Variants in SYT1 observed in about 807,000 individuals in gnomAD.
SYT1 encodes synaptotagmin-1.
A neutral mutation model predicts 44.8 loss-of-function variants in SYT1; 8 were observed. The observed-to-expected ratio is 0.18, with a 90% CI of 0.10 to 0.32. The LOEUF (loss-of-function observed/expected upper bound fraction) is 0.32. Among genes scored for constraint, SYT1 ranks in the 10% least tolerant of loss-of-function variants. The pLI, the probability that SYT1 is intolerant of heterozygous loss-of-function variation, is 1.00. For missense variants in SYT1, 286 were observed against 509.3 expected (o/e 0.56, Z 4.22); for synonymous variants, 154 against 188.8 (o/e 0.82, Z 1.51).
At chr12:79,427,711 A>T (rs2136170641) in intron 9 of SYT1, among the ~76,000 whole-genome samples, 1 of 152,276 alleles carries the variant, frequency 6.6e-6, no homozygotes, top group African/African-American at 2.4e-5. Flanking sequence ...AAGGGACATG[A>T]GGAGGAGGCA....
chr12:79,026,670 TATA>T (rs1872552927), intron 2 of SYT1, among the ~76,000 whole-genome samples: 4 of 30,488 alleles, frequency 1.3e-4, no homozygotes, highest in East Asian at 3.7e-3. Flanking sequence ...ATATATTTTA[TATA>T]TATATATATA....
intron 8 of SYT1, among the ~76,000 whole-genome samples, chr12:79,345,844 G>T (rs942078038): frequency 6.6e-6 from 1 of 152,092 alleles, no homozygotes; most frequent in East Asian, 1.9e-4. Flanking sequence ...TACTAATGGG[G>T]ACTATGCAAA....
intron 8 of SYT1, among the ~76,000 whole-genome samples, chr12:79,320,156 A>G (rs376712736): frequency 1.3e-5 from 2 of 152,204 alleles, no homozygotes. Context: ...AACTTTTTAA[A>G]GAATAAAAAA....
intron 2 of SYT1, among the ~76,000 whole-genome samples, chr12:79,000,483 G>T (rs931137254): frequency 1.4e-4 from 21 of 152,042 alleles, no homozygotes; most frequent in Middle Eastern, 3.4e-3. Flanking sequence ...ACTTTTAGTA[G>T]AGACGGGGTT....
At chr12:78,881,202 A>G (rs1244799746) in intron 1 of SYT1, among the ~76,000 whole-genome samples, 2 of 151,498 alleles carry the variant, frequency 1.3e-5, no homozygotes, top group Non-Finnish European at 1.5e-5. Flanking sequence ...TCACCCCCAA[A>G]TACTTCCCTC....
chr12:78,971,469 G>T (rs1308561980), intron 1 of SYT1, among the ~76,000 whole-genome samples: 1 of 152,058 alleles, frequency 6.6e-6, no homozygotes, highest in Non-Finnish European at 1.5e-5. Flanking sequence ...TAGATGCATT[G>T]TTCCATGGAT....
intron 4 of SYT1, among the ~76,000 whole-genome samples, chr12:79,232,314 GAGA>G (rs1201324937): frequency 6.6e-6 from 1 of 152,174 alleles, no homozygotes; most frequent in African/African-American, 2.4e-5. Context: ...ACTTTTCTGC[GAGA>G]AGGACTTCTA....
chr12:79,308,959 A>C (rs1182473229), intron 8 of SYT1, among the ~76,000 whole-genome samples: 1 of 152,270 alleles, frequency 6.6e-6, no homozygotes, highest in African/African-American at 2.4e-5. Flanking sequence ...TAGCTATTAC[A>C]TGGCAAACCT....
intron 3 of SYT1, among the ~76,000 whole-genome samples, chr12:79,098,092 A>G (rs1878245730): frequency 6.6e-6 from 1 of 152,096 alleles, no homozygotes; most frequent in Non-Finnish European, 1.5e-5. Context: ...TATGCTGTTC[A>G]AAACCATAGA....
At chr12:79,399,289 AT>A (rs576684760) in intron 9 of SYT1, among the ~76,000 whole-genome samples, 8,152 of 133,980 alleles carry the variant, frequency 0.061, 323 homozygotes, top group East Asian at 0.17. Flanking sequence ...AGTAATTTGA[AT>A]TTTTTTTTTT....
At chr12:79,419,524 T>C (rs1448016285) in intron 9 of SYT1, among the ~76,000 whole-genome samples, 3 of 152,170 alleles carry the variant, frequency 2.0e-5, no homozygotes, top group Non-Finnish European at 4.4e-5. Context: ...TTCTCCAGTG[T>C]TGGCTGTTAC....
intron 3 of SYT1, among the ~76,000 whole-genome samples, chr12:79,120,993 A>ACT (rs1411239700): frequency 2.6e-5 from 4 of 151,472 alleles, no homozygotes; most frequent in Non-Finnish European, 5.9e-5. Flanking sequence ...ATATATACAC[A>ACT]CACACATATT....
chr12:79,103,976 T>C (rs1421066421), intron 3 of SYT1, among the ~76,000 whole-genome samples: 1 of 152,106 alleles, frequency 6.6e-6, no homozygotes, highest in Admixed American at 6.5e-5. Flanking sequence ...TATAGAAAAA[T>C]TGAATGCTCC....
At chr12:79,145,057 TC>T (rs1869791304) in intron 3 of SYT1, among the ~76,000 whole-genome samples, 1 of 152,180 alleles carries the variant, frequency 6.6e-6, no homozygotes, top group African/African-American at 2.4e-5. Context: ...ATAAAGAACA[TC>T]ACTTTACTCC....
At chr12:78,990,550 C>A (rs1869949234) in intron 2 of SYT1, among the ~76,000 whole-genome samples, 1 of 152,112 alleles carries the variant, frequency 6.6e-6, no homozygotes, top group Non-Finnish European at 1.5e-5. Flanking sequence ...AAATTCTTAT[C>A]TGTGTCTGCC....
rs374319999 is a variant in SYT1 at position 79,400,698 on chromosome 12, C to T, written c.929-43375C>T. Among the ~76,000 whole-genome samples the T allele has an allele frequency of 6.3e-4, 96 of 152,350 alleles. 1 individual carries two copies. The highest frequency in any genetic ancestry group is 2.0e-3 in the African/African-American group (84 of 41,586). On this transcript the variant is annotated intron_variant, in intron 9 of 10. Transcript: ENST00000261205. ...CATAACAAATGAGACCACGCCATGT[C>T]TGATAGTAAGTTTTAGACTGAGGGC...
intron 9 of SYT1, among the ~76,000 whole-genome samples, chr12:79,424,966 T>C (rs1280099541): frequency 6.7e-6 from 1 of 149,618 alleles, no homozygotes; most frequent in African/African-American, 2.4e-5. Context: ...TTTTTTTTTT[T>C]TTTTTTGAGA....
chr12:78,878,981 A>T (rs1047600539), intron 1 of SYT1, among the ~76,000 whole-genome samples: 2 of 151,578 alleles, frequency 1.3e-5, no homozygotes, highest in African/African-American at 4.8e-5. Flanking sequence ...GCAATTATCT[A>T]CTCTCACCCT....
Position 79,414,231 on chromosome 12 carries a change from G to A in SYT1, c.929-29842G>A, listed in dbSNP as rs566757161. Among the ~76,000 whole-genome samples the A allele has an allele frequency of 5.9e-5, 9 of 152,264 alleles. No individual in the cohort carries two copies. The East Asian group carries it at 1.7e-3, about 29-fold the overall frequency. ...ATTGCATTCTGAATGCAACTGAACC[G>A]CAGTTGGTACAAATTACTGGCCTAT... On this transcript the variant is annotated intron_variant, in intron 9 of 10. Coordinates refer to ENST00000261205, the MANE Select transcript of SYT1 (RefSeq NM_005639.3).
Sources: gnomAD v4.1 joint callset for allele counts (sites outside exome capture counted in the v4.1 genomes callset) on GRCh38, gnomAD v4.1.1 for gene constraint, MANE v1.5 for transcripts, NCBI Gene and HGNC (gene_info 2026-07-23, HGNC 2026-07-21) for gene names.